Variants in TRDN observed in about 807,000 individuals in gnomAD.
TRDN encodes the protein triadin.
TRDN carries 161 observed loss-of-function variants against 149.7 expected under a neutral mutation model. The observed-to-expected ratio is 1.08, with a 90% confidence interval of 0.95 to 1.23. The LOEUF is 1.23. Among genes scored for constraint, TRDN ranks in the 50% most tolerant of loss-of-function variants. The pLI, the probability that TRDN is intolerant of heterozygous loss-of-function variation, is 0.00. For synonymous variants in TRDN, 294 were observed against 250.5 expected (o/e 1.17, Z -1.64); for missense variants, 896 against 823.5 (o/e 1.09, Z -1.08).
At chr6:123,467,504 A>G (rs944049673) in intron 9 of TRDN, among the ~76,000 whole-genome samples, 31 of 152,090 alleles carry the variant, frequency 2.0e-4, no homozygotes, top group Non-Finnish European at 2.9e-5. Flanking sequence ...ACAATGGGTA[A>G]CAATGGGAAA....
intron 10 of TRDN, among the ~76,000 whole-genome samples, chr6:123,447,066 G>A (rs1388285739): frequency 1.3e-5 from 2 of 152,036 alleles, no homozygotes; most frequent in African/African-American, 4.8e-5. Context: ...CTTGAGTTAT[G>A]TGGCATAACT....
At chr6:123,289,136 G>T (rs2114646976) in intron 24 of TRDN, among the ~76,000 whole-genome samples, 1 of 143,654 alleles carries the variant, frequency 7.0e-6, no homozygotes, top group Non-Finnish European at 1.5e-5. Flanking sequence ...TATAAAATAT[G>T]TTATATATAT....
chr6:123,499,018 A>T (rs1778569670), intron 8 of TRDN, among the ~76,000 whole-genome samples: 1 of 152,210 alleles, frequency 6.6e-6, no homozygotes, highest in Non-Finnish European at 1.5e-5. Flanking sequence ...CCCTAGGAAT[A>T]TGCATTTTAT....
intron 6 of TRDN, among the ~76,000 whole-genome samples, chr6:123,513,979 TA>T (rs1244207913): frequency 1.3e-5 from 2 of 152,138 alleles, no homozygotes; most frequent in Non-Finnish European, 2.9e-5. Context: ...CAATCCACCC[TA>T]AAACAATGGC....
At chr6:123,374,885 C>T (rs1467495514) in intron 19 of TRDN, among the ~76,000 whole-genome samples, 1 of 152,128 alleles carries the variant, frequency 6.6e-6, no homozygotes, top group African/African-American at 2.4e-5. Context: ...CCTCTAACCT[C>T]TCAAAAAATA....
At chr6:123,575,167 T>C (rs1782791252) in intron 1 of TRDN, among the ~76,000 whole-genome samples, 1 of 151,836 alleles carries the variant, frequency 6.6e-6, no homozygotes. Context: ...GACTCAAAGA[T>C]ACTGAAAATA....
chr6:123,263,224 T>A (rs9375237), intron 33 of TRDN, among the ~76,000 whole-genome samples: 26,822 of 151,900 alleles, frequency 0.18, 3,079 homozygotes, highest in East Asian at 0.54. Flanking sequence ...AAAGATTTAG[T>A]GGACTGAATA....
intron 38 of TRDN, among the ~76,000 whole-genome samples, chr6:123,234,356 C>T (rs974986770): frequency 1.3e-5 from 2 of 151,970 alleles, no homozygotes; most frequent in African/African-American, 4.8e-5. Context: ...TATAAACACA[C>T]ATATATTAAA....
At chr6:123,418,484 T>C (rs1203642215) in intron 12 of TRDN, 1 of 152,130 alleles carries the variant, frequency 6.6e-6, no homozygotes, top group African/African-American at 2.4e-5. Context: ...ACATAGGCAA[T>C]GATACCATAC....
At chr6:123,618,643 T>C (rs944892318) in intron 1 of TRDN, among the ~76,000 whole-genome samples, 4 of 152,202 alleles carry the variant, frequency 2.6e-5, no homozygotes, top group African/African-American at 9.6e-5. Flanking sequence ...AGACATTGTG[T>C]GAGCACTCTC....
At chr6:123,222,496 A>T (rs950074566) in intron 39 of TRDN, among the ~76,000 whole-genome samples, 1 of 151,400 alleles carries the variant, frequency 6.6e-6, no homozygotes, top group South Asian at 2.1e-4. Flanking sequence ...AATTTAAAAA[A>T]TATATATATA....
At chr6:123,450,066 G>A (rs1775674308) in intron 10 of TRDN, among the ~76,000 whole-genome samples, 1 of 152,124 alleles carries the variant, frequency 6.6e-6, no homozygotes, top group Non-Finnish European at 1.5e-5. Context: ...CTGCTAAAAG[G>A]AGCTCTAAAT....
At chr6:123,502,781 A>G (rs532005441) in intron 8 of TRDN, 1 of 985,250 alleles carries the variant, frequency 1.0e-6, no homozygotes, top group South Asian at 4.7e-5. Flanking sequence ...GCTACAAAGT[A>G]AAGAAAAATT....
intron 9 of TRDN, chr6:123,469,876 A>G (rs1777051806): frequency 1.3e-5 from 2 of 152,306 alleles, no homozygotes; most frequent in Admixed American, 1.3e-4. Flanking sequence ...TCTCAGCACT[A>G]CAACTTCTGC....
chr6:123,580,733 A>T (rs1387638639), intron 1 of TRDN, among the ~76,000 whole-genome samples: 2 of 152,192 alleles, frequency 1.3e-5, no homozygotes, highest in Admixed American at 1.3e-4. Context: ...TGTATAAATA[A>T]TGTTGGAAAA....
intron 12 of TRDN, among the ~76,000 whole-genome samples, chr6:123,425,489 G>A (rs1228526735): frequency 6.6e-6 from 1 of 151,978 alleles, no homozygotes; most frequent in East Asian, 1.9e-4. Context: ...GATCACCAAG[G>A]TAGTGAGGAT....
intron 21 of TRDN, among the ~76,000 whole-genome samples, chr6:123,341,710 T>G (rs974299138): frequency 6.6e-6 from 1 of 151,934 alleles, no homozygotes; most frequent in African/African-American, 2.4e-5. Context: ...ATTTAACATA[T>G]TTAGGGGATG....
chr6:123,312,506 T>A (rs137986495), intron 24 of TRDN, among the ~76,000 whole-genome samples: 2 of 151,948 alleles, frequency 1.3e-5, no homozygotes, highest in Non-Finnish European at 1.5e-5. Flanking sequence ...ATAATACATA[T>A]AACATACCAA....
intron 38 of TRDN, among the ~76,000 whole-genome samples, chr6:123,239,946 A>G (rs1032843279): frequency 2.6e-5 from 4 of 152,078 alleles, no homozygotes; most frequent in African/African-American, 9.6e-5. Context: ...TATATATGGC[A>G]GTGAAAATAA....
Sources: gnomAD v4.1 joint callset for allele counts (sites outside exome capture counted in the v4.1 genomes callset) on GRCh38, gnomAD v4.1.1 for gene constraint, MANE v1.5 for transcripts, NCBI Gene and HGNC (gene_info 2026-07-23, HGNC 2026-07-21) for gene names.